Variants in TAB2 observed in about 807,000 individuals in gnomAD.
The protein encoded by TAB2 is TGF-beta activated kinase 1 (MAP3K7) binding protein 2.
In TAB2, 3 loss-of-function variants were observed where a neutral mutation model predicts 65.0. The ratio of observed to expected loss-of-function variants is 0.05; its 90% CI spans 0.02 to 0.12. The LOEUF (loss-of-function observed/expected upper bound fraction) is 0.12. Among genes scored for constraint, TAB2 ranks in the 10% least tolerant of loss-of-function variants. The pLI is 1.00. For missense variants in TAB2, 623 were observed against 840.3 expected, an observed-to-expected ratio of 0.74 and a Z score of 3.20; for synonymous variants, 298 against 285.1, an observed-to-expected ratio of 1.05 and a Z score of -0.46.
chr6:149,260,621 C>T (rs921601509), intron 1 of TAB2, among the ~76,000 whole-genome samples: 5 of 152,130 alleles, frequency 3.3e-5, no homozygotes, highest in South Asian at 2.1e-4. Context: ...CTAAAGAGCA[C>T]GGTGGGCATG....
At chr6:149,310,424 T>C (rs1186110700) in intron 1 of TAB2, among the ~76,000 whole-genome samples, 1 of 152,208 alleles carries the variant, frequency 6.6e-6, no homozygotes, top group Non-Finnish European at 1.5e-5. Flanking sequence ...ATGTTATTTC[T>C]GTTTATCTCC....
intron 1 of TAB2, among the ~76,000 whole-genome samples, chr6:149,222,613 GT>G (rs1420770599): frequency 9.2e-6 from 1 of 108,766 alleles, no homozygotes; most frequent in Non-Finnish European, 1.8e-5. Context: ...GCGAGACTCT[GT>G]CTCAAAAAAA....
At chr6:149,371,872 A>C (rs1329314941) in intron 2 of TAB2, among the ~76,000 whole-genome samples, 1 of 152,200 alleles carries the variant, frequency 6.6e-6, no homozygotes, top group Non-Finnish European at 1.5e-5. Flanking sequence ...TGGAGTCAGA[A>C]GTTAAAAGAA....
rs536609699 is a variant in TAB2 at position 149,265,954 on chromosome 6, T to C, written c.-121+47178T>C. On this transcript the variant is annotated intron_variant, in intron 1 of 1. Transcript: ENST00000606202. ...GTCAGCGTTCCACTTAACTACAATG[T>C]CTGCCCATGCCTTTCCCCTCAGAGG... Among the ~76,000 whole-genome samples, 88 of 152,310 alleles carry C rather than the reference T, an allele frequency of 5.8e-4. 1 individual carries two copies. The highest frequency in any genetic ancestry group is 2.0e-3 in the African/African-American group (84 of 41,564).
chr6:149,401,052 A>AC, intron 6 of TAB2: 3 of 194,944 alleles, frequency 1.5e-5, no homozygotes, highest in African/African-American at 7.1e-5. Flanking sequence ...AACAACAACA[A>AC]AAAAAAATTC....
At chr6:149,342,137 C>T (rs1419096734) in intron 1 of TAB2, among the ~76,000 whole-genome samples, 2 of 151,708 alleles carry the variant, frequency 1.3e-5, no homozygotes, top group Non-Finnish European at 1.5e-5. Context: ...CTGTTCTTTG[C>T]CTCCCTCTTT....
chr6:149,382,489 G>A (rs956899990), intron 3 of TAB2, among the ~76,000 whole-genome samples: 8 of 152,036 alleles, frequency 5.3e-5, no homozygotes, highest in African/African-American at 1.9e-4. Context: ...CCAGCTGCTC[G>A]AGAGGCTGAG....
In TAB2 at chr6:149,300,977, C is replaced by T. The variant is rs372557923; in HGVS notation, c.-120-77041C>T. ...TGAAATTGCTATATCAGGTGCTATG[C>T]CATTCAGAGCTTGGGGAGTCTTGCT... On this transcript the variant is annotated intron_variant, in intron 1 of 1. Transcript: ENST00000606202. Among the ~76,000 whole-genome samples the T allele has an allele frequency of 2.0e-5, 3 of 152,266 alleles. No homozygotes were observed. In the South Asian group the frequency reaches 6.2e-4, roughly 32 times the overall value.
chr6:149,253,750 C>T (rs981913739), intron 1 of TAB2, among the ~76,000 whole-genome samples: 2 of 151,376 alleles, frequency 1.3e-5, no homozygotes, highest in African/African-American at 4.9e-5. Context: ...GGTGAAACCC[C>T]GTCTCTGCTA....
chr6:149,347,370 A>G (rs1212586664), intron 1 of TAB2: 1 of 152,216 alleles, frequency 6.6e-6, no homozygotes, highest in African/African-American at 2.4e-5. Flanking sequence ...TTATTATGCT[A>G]CTTTATTAAT....
In TAB2 at chr6:149,379,416, G is replaced by A. The variant is rs577148408; in HGVS notation, c.1501G>A (p.Glu501Lys). 67 of 1,614,066 alleles carry A rather than the reference G, an allele frequency of 4.2e-5. No homozygotes were observed. Among genetic ancestry groups the A allele is most frequent in the Admixed American group, 1.3e-4 (8 of 60,010 alleles). Residue 501 changes from glutamate to lysine, a missense_variant, in exon 3 of 7, where the codon GAG becomes AAG. Around this residue, in one of 3 missense-constraint regions of TAB2, gnomAD observed 550 missense variants for 665.7 expected, o/e 0.83. Transcript: ENST00000637181. ...LNHPDHYVETENIQHLTDPTL... is the reference protein window; with the variant it reads ...LNHPDHYVETKNIQHLTDPTL... The stretch of plus-strand genomic sequence containing the variant: ...TCATCCTGATCATTATGTAGAAACC[G>A]AGAATATTCAGCACCTCACGGACCC...
chr6:149,370,426 C>T (rs949995139), intron 2 of TAB2, among the ~76,000 whole-genome samples: 6 of 152,086 alleles, frequency 3.9e-5, no homozygotes, highest in Admixed American at 2.0e-4. Flanking sequence ...AATTTCAGAT[C>T]TTAGTATGAA....
intron 6 of TAB2, among the ~76,000 whole-genome samples, chr6:149,407,886 A>G (rs1026871252): frequency 1.3e-5 from 2 of 152,206 alleles, no homozygotes; most frequent in East Asian, 3.9e-4. Context: ...ATTGCCTTAG[A>G]TATTACTTAA....
chr6:149,406,202 A>G (rs1197655340), intron 6 of TAB2, among the ~76,000 whole-genome samples: 1 of 152,166 alleles, frequency 6.6e-6, no homozygotes, highest in African/African-American at 2.4e-5. Context: ...TGTTCCCCAT[A>G]TGTTTGTATT....
At chr6:149,409,478 T>C (rs1192384423) in intron 6 of TAB2, 99 bp from the exon 7 acceptor site, 3 of 1,077,212 alleles carry the variant, frequency 2.8e-6, no homozygotes, top group Non-Finnish European at 4.2e-6. Flanking sequence ...GGGAGCAAGC[T>C]GCATCAGGCT....
At chr6:149,241,923 G>A (rs757869294) in intron 1 of TAB2, among the ~76,000 whole-genome samples, 22 of 152,198 alleles carry the variant, frequency 1.4e-4, no homozygotes, top group Admixed American at 2.6e-4. Context: ...CTGCTGCCCC[G>A]TAAGGCTGCT....
At chr6:149,339,236 G>A (rs1245464160) in intron 1 of TAB2, among the ~76,000 whole-genome samples, 6 of 152,036 alleles carry the variant, frequency 3.9e-5, no homozygotes, top group Non-Finnish European at 7.4e-5. Context: ...GGTGGCACGC[G>A]CCTGTAGTCC....
At chr6:149,381,591 T>TTTG (rs1554263494) in intron 3 of TAB2, among the ~76,000 whole-genome samples, 3 of 127,168 alleles carry the variant, frequency 2.4e-5, no homozygotes, top group East Asian at 2.6e-4. Flanking sequence ...TTTTTTTTTT[T>TTTG]GGGACAGGGT....
chr6:149,404,502 AGC>A (rs1227269126), intron 6 of TAB2, among the ~76,000 whole-genome samples: 1 of 152,238 alleles, frequency 6.6e-6, no homozygotes, highest in Non-Finnish European at 1.5e-5. Context: ...AGCAAAACAG[AGC>A]TGGAGACATC....
Sources: gnomAD v4.1 joint callset for allele counts (sites outside exome capture counted in the v4.1 genomes callset) on GRCh38, gnomAD v4.1.1 for gene constraint, gnomAD v4.1.1 regional missense constraint, MANE v1.5 for transcripts, NCBI Gene and HGNC (gene_info 2026-07-23, HGNC 2026-07-21) for gene names.